Variants in PSD3 observed in about 807,000 individuals in gnomAD.
PSD3 encodes the protein PH and SEC7 domain-containing protein 3.
PSD3 carries 49 observed loss-of-function variants against 105.5 expected under a neutral mutation model. The observed-to-expected ratio is 0.46, with a 90% CI of 0.37 to 0.59. PSD3 has a LOEUF of 0.59. Ranked by LOEUF, PSD3 falls within the 20% of genes least tolerant of loss-of-function variation. The pLI, the probability that PSD3 is intolerant of heterozygous loss-of-function variation, is 0.00. For missense variants in PSD3, 1,561 were observed against 1,263.8 expected, an observed-to-expected ratio of 1.24 and a Z score of -3.57; for synonymous variants, 557 against 457.8, an observed-to-expected ratio of 1.22 and a Z score of -2.77.
At chr8:19,003,973 T>C (rs10102937) in intron 1 of PSD3, among the ~76,000 whole-genome samples, 22,542 of 151,962 alleles carry the variant, frequency 0.15, 1,952 homozygotes, top group African/African-American at 0.18. Flanking sequence ...TCTTAAGACT[T>C]GCATGGGGTG....
Position 19,022,553 on chromosome 8 carries a change from C to T in PSD3, c.324+61653G>A, listed in dbSNP as rs534915947. On this transcript the variant is annotated intron_variant, in intron 1 of 1. Transcript: ENST00000521475. ...GGCTTCCCTAGTCCCTATCCCAAAGCGGTTGGTCAACCCTCTCACTCTAGG... is the reference window on the plus strand; with the variant it reads ...GGCTTCCCTAGTCCCTATCCCAAAGTGGTTGGTCAACCCTCTCACTCTAGG... Among the ~76,000 whole-genome samples, 5 of 152,286 alleles carry T rather than the reference C, an allele frequency of 3.3e-5. No homozygotes were observed. In the South Asian group the frequency reaches 6.2e-4, roughly 19 times the overall value.
intron 1 of PSD3, among the ~76,000 whole-genome samples, chr8:19,039,788 C>G (rs768483144): frequency 3.9e-5 from 6 of 152,120 alleles, no homozygotes; most frequent in Non-Finnish European, 7.3e-5. Flanking sequence ...ACAGAATACC[C>G]TACTATGCAA....
intron 4 of PSD3, among the ~76,000 whole-genome samples, chr8:18,811,509 G>A (rs1182950596): frequency 1.3e-5 from 2 of 152,096 alleles, no homozygotes; most frequent in Non-Finnish European, 2.9e-5. Flanking sequence ...CATATTAGAA[G>A]GTGACGTTTG....
intron 9 of PSD3, among the ~76,000 whole-genome samples, chr8:18,693,987 G>A (rs1452982657): frequency 6.6e-6 from 1 of 152,100 alleles, no homozygotes; most frequent in Non-Finnish European, 1.5e-5. Context: ...TAGTAACACT[G>A]GACCCTGAAT....
chr8:18,903,959 CT>C (rs1489804928), intron 2 of PSD3, among the ~76,000 whole-genome samples: 6 of 150,360 alleles, frequency 4.0e-5, no homozygotes, highest in Admixed American at 6.7e-5. Context: ...TGTGGCTCTA[CT>C]TCTGCCTGGG....
chr8:18,998,140 G>A (rs1428291866), intron 1 of PSD3, among the ~76,000 whole-genome samples: 1 of 151,952 alleles, frequency 6.6e-6, no homozygotes, highest in Non-Finnish European at 1.5e-5. Context: ...ACACAGAACT[G>A]CATATGACCT....
intron 4 of PSD3, among the ~76,000 whole-genome samples, chr8:18,862,379 T>A (rs906400210): frequency 5.7e-5 from 8 of 140,746 alleles, no homozygotes; most frequent in Non-Finnish European, 9.0e-5. Flanking sequence ...TTTGTGGTTT[T>A]TAAAAAAAAA....
exon 1 of PSD3, chr8:19,084,445 G>C (rs963702819): frequency 2.2e-6 from 1 of 455,906 alleles, no homozygotes; most frequent in Non-Finnish European, 4.4e-6. Flanking sequence ...CTGCATCGGG[G>C]GTCCATGCCC....
chr8:19,057,359 C>G (rs1828743733), intron 1 of PSD3, among the ~76,000 whole-genome samples: 2 of 152,126 alleles, frequency 1.3e-5, no homozygotes, highest in South Asian at 4.2e-4. Context: ...GACCTCTTGT[C>G]AAGGTCTCCA....
intron 1 of PSD3, among the ~76,000 whole-genome samples, chr8:19,041,039 C>T (rs544477832): frequency 6.6e-6 from 1 of 152,130 alleles, no homozygotes; most frequent in Admixed American, 6.5e-5. Context: ...ACTATAGGTG[C>T]ACGCCACCAC....
chr8:18,583,695 G>C (rs1007076743), intron 12 of PSD3, among the ~76,000 whole-genome samples: 2 of 152,086 alleles, frequency 1.3e-5, no homozygotes, highest in African/African-American at 2.4e-5. Context: ...TCTTTCATGA[G>C]CTTCCCTTCT....
chr8:18,610,070 C>G (rs1238506000), intron 11 of PSD3, among the ~76,000 whole-genome samples: 1 of 152,158 alleles, frequency 6.6e-6, no homozygotes, highest in Admixed American at 6.5e-5. Flanking sequence ...ACACTTAAGG[C>G]AATTTACACA....
At chr8:18,899,010 T>C (rs1387082821) in intron 2 of PSD3, among the ~76,000 whole-genome samples, 1 of 152,212 alleles carries the variant, frequency 6.6e-6, no homozygotes, top group Non-Finnish European at 1.5e-5. Flanking sequence ...CTGTTTGCTT[T>C]AGTTTCAGTG....
rs1324257417 is a variant in PSD3 at position 19,074,611 on chromosome 8, A to ATATAT, written c.324+9594_324+9595insATATA. On this transcript the variant is annotated intron_variant, in intron 1 of 1. Transcript: ENST00000521475. ...TATATACATATATATATATATATAT[A>ATATAT]TTTTTTTTTTTTTTTTTTTTTTTTT... Among the ~76,000 whole-genome samples the ATATAT allele has an allele frequency of 2.6e-3, 62 of 24,188 alleles. 1 individual carries two copies. Among genetic ancestry groups the ATATAT allele is most frequent in the African/African-American group, 3.7e-3 (23 of 6,234 alleles). The allele number at this position is 24,188 out of a possible 152,430, so 15.9% of individuals were successfully genotyped here.
chr8:18,867,953 G>C lies in PSD3; in HGVS notation c.1355C>G (p.Thr452Ser), dbSNP rs1439387061. Reference sequence around the variant, plus strand: ...GGACTCTGCACTGTAGTATAAAGAAGTGTTGTCCAAAATGGTTTCAAACTG... The same window carrying C: ...GGACTCTGCACTGTAGTATAAAGAACTGTTGTCCAAAATGGTTTCAAACTG... ...SSQFETILDN[T>S]SLYYSAESLE... Residue 452 changes from threonine to serine, a missense_variant, in exon 4 of 16, where the codon ACT (threonine) becomes AGT (serine). Transcript: ENST00000327040. 1.2e-6 allele frequency: 2 copies of C among 1,614,204 alleles called. No individual in the cohort carries two copies. Among genetic ancestry groups the C allele is most frequent in the East Asian group, 2.2e-5 (1 of 44,882 alleles).
intron 8 of PSD3, among the ~76,000 whole-genome samples, chr8:18,773,016 AC>A (rs1451552527): frequency 6.6e-5 from 10 of 152,120 alleles, no homozygotes; most frequent in Non-Finnish European, 1.0e-4. Context: ...TAAGGCACAA[AC>A]GTTTCAGTTT....
chr8:18,530,943 A>G lies in PSD3; in HGVS notation c.*4800T>C, dbSNP rs1799609083. On this transcript the variant is annotated 3_prime_UTR_variant, in exon 16 of 16. Transcript: ENST00000327040. ...ACTTCATTATATAATCAGTCCTATGAGGTTGTACTTGCTTTTCATATCACA... is the reference window on the plus strand; with the variant it reads ...ACTTCATTATATAATCAGTCCTATGGGGTTGTACTTGCTTTTCATATCACA... 6.6e-6 allele frequency: 1 copy of G among 152,232 alleles called. No homozygotes were observed. Among genetic ancestry groups the G allele is most frequent in the Non-Finnish European group, 1.5e-5 (1 of 68,028 alleles). The allele number at this position is 152,232 out of a possible 1,614,324, so 9.4% of individuals were successfully genotyped here.
intron 14 of PSD3, among the ~76,000 whole-genome samples, chr8:18,565,373 T>C (rs1212228915): frequency 6.6e-6 from 1 of 152,152 alleles, no homozygotes; most frequent in African/African-American, 2.4e-5. Flanking sequence ...AGAAGAAAAA[T>C]GTGCTCTGGC....
intron 15 of PSD3, among the ~76,000 whole-genome samples, chr8:18,551,932 C>T (rs1480534235): frequency 1.3e-5 from 2 of 152,144 alleles, no homozygotes; most frequent in Non-Finnish European, 2.9e-5. Context: ...CAAAAGCCTT[C>T]AGGGACCAGA....
Sources: gnomAD v4.1 joint callset for allele counts (sites outside exome capture counted in the v4.1 genomes callset) on GRCh38, gnomAD v4.1.1 for gene constraint, MANE v1.5 for transcripts, NCBI Gene and HGNC (gene_info 2026-07-23, HGNC 2026-07-21) for gene names.